The following GRIN2A variants were observed in gnomAD, a reference collection of about 807,000 sequenced individuals.
GRIN2A encodes the protein glutamate receptor ionotropic, NMDA 2A.
A neutral mutation model predicts 113.4 loss-of-function variants in GRIN2A; 22 were observed. That is an observed-to-expected ratio of 0.19 (90% confidence interval 0.14 to 0.28). The LOEUF (loss-of-function observed/expected upper bound fraction) is 0.28, where lower values mean the gene tolerates loss of function less well. Among genes scored for constraint, GRIN2A ranks in the 10% least tolerant of loss-of-function variants. The pLI, the probability that GRIN2A is intolerant of heterozygous loss-of-function variation, is 1.00. For synonymous variants in GRIN2A, 827 were observed against 738.4 expected, an observed-to-expected ratio of 1.12 and a Z score of -1.94; for missense variants, 1,502 against 1,887.0, an observed-to-expected ratio of 0.80 and a Z score of 3.78.
Position 10,117,448 on chromosome 16 carries a change from GGA to G in GRIN2A, c.414+62548_414+62549del, listed in dbSNP as rs375860817. Among the ~76,000 whole-genome samples, 303 of 152,310 alleles carry G rather than the reference GGA, an allele frequency of 2.0e-3. 1 individual carries two copies. Among genetic ancestry groups the G allele is most frequent in the African/African-American group, 7.1e-3 (294 of 41,556 alleles). On this transcript the variant is annotated intron_variant, in intron 2 of 12. Coordinates refer to ENST00000330684, the MANE Select transcript of GRIN2A (RefSeq NM_001134407.3). ...ATGCTGAAGCTGGATGGTGAGTATA[GGA>G]GAGTTATCTCTGCTTATGATTAGAG...
intron 2 of GRIN2A, among the ~76,000 whole-genome samples, chr16:10,074,849 C>G (rs892677765): frequency 2.0e-5 from 3 of 152,190 alleles, no homozygotes; most frequent in African/African-American, 7.2e-5. Flanking sequence ...AAGCATTGGA[C>G]TGTGAACTTT....
chr16:9,762,985 T>G lies in GRIN2A; in HGVS notation c.*164A>C, dbSNP rs1900653214. Reference sequence around the variant, plus strand: ...TCACAAGATTCCTTGAGTGGAAGATTATGGCATGAAGCCGTGTGCAAAAGA... The same window carrying G: ...TCACAAGATTCCTTGAGTGGAAGATGATGGCATGAAGCCGTGTGCAAAAGA... On this transcript the variant is annotated 3_prime_UTR_variant, in exon 13 of 13. Coordinates refer to ENST00000330684, the MANE Select transcript of GRIN2A (RefSeq NM_001134407.3). 1.5e-6 allele frequency: 1 copy of G among 688,486 alleles called. No individual in the cohort carries two copies. The highest frequency in any genetic ancestry group is 1.8e-5 in the South Asian group (1 of 54,488). 42.6% of individuals were successfully genotyped at this position (688,486 alleles called of 1,614,324 possible).
At chr16:9,838,796 G>T (rs189527770) in intron 7 of GRIN2A, among the ~76,000 whole-genome samples, 1 of 152,158 alleles carries the variant, frequency 6.6e-6, no homozygotes, top group Admixed American at 6.5e-5. Flanking sequence ...CTGGGGGATG[G>T]GTTTTTCAAG....
At chr16:10,148,728 T>C (rs1486643917) in intron 2 of GRIN2A, among the ~76,000 whole-genome samples, 1 of 152,108 alleles carries the variant, frequency 6.6e-6, no homozygotes, top group Non-Finnish European at 1.5e-5. Flanking sequence ...TAGGCACATA[T>C]CCAAAAGAAA....
intron 2 of GRIN2A, among the ~76,000 whole-genome samples, chr16:10,145,513 TA>T (rs34055110): frequency 0.17 from 24,788 of 149,994 alleles, 2,555 homozygotes; most frequent in African/African-American, 0.3. Context: ...CAGCTGTTTT[TA>T]AAAAAAAAAA....
intron 2 of GRIN2A, among the ~76,000 whole-genome samples, chr16:10,031,164 G>T (rs1449524840): frequency 6.6e-6 from 1 of 152,110 alleles, no homozygotes; most frequent in Non-Finnish European, 1.5e-5. Context: ...AATAAAATAC[G>T]TAAATCCTCA....
At chr16:9,883,721 C>T (rs921380568) in intron 4 of GRIN2A, among the ~76,000 whole-genome samples, 5 of 152,120 alleles carry the variant, frequency 3.3e-5, no homozygotes, top group Non-Finnish European at 5.9e-5. Flanking sequence ...GGGTCAGCCA[C>T]GTGTGGTGCT....
chr16:9,984,343 TC>T (rs2045943065), intron 2 of GRIN2A, among the ~76,000 whole-genome samples: 1 of 152,174 alleles, frequency 6.6e-6, no homozygotes, highest in Non-Finnish European at 1.5e-5. Context: ...TCTGATTTTT[TC>T]CTTTGCTGAG....
At chr16:10,120,646 G>C (rs1373918751) in intron 2 of GRIN2A, among the ~76,000 whole-genome samples, 2 of 152,140 alleles carry the variant, frequency 1.3e-5, no homozygotes, top group Non-Finnish European at 2.9e-5. Context: ...ACCAGAAAGA[G>C]ACTCCACATT....
chr16:9,760,373 G>GTTTTTTTTTT lies in GRIN2A; in HGVS notation c.*2775_*2776insAAAAAAAAAA. On this transcript the variant is annotated 3_prime_UTR_variant, in exon 13 of 13. Coordinates refer to ENST00000330684, the MANE Select transcript of GRIN2A (RefSeq NM_001134407.3). The stretch of plus-strand genomic sequence containing the variant: ...GAAATTGACCATCTGATCAGTAGTT[G>GTTTTTTTTTT]ATTTTTTTTTTTTTTTTTTTTTTTT... 1 of 40,234 alleles carries GTTTTTTTTTT rather than the reference G, an allele frequency of 2.5e-5. No homozygotes were observed. Among genetic ancestry groups the GTTTTTTTTTT allele is most frequent in the African/African-American group, 1.3e-4 (1 of 7,902 alleles). The allele number at this position is 40,234 out of a possible 1,614,324, so 2.5% of individuals were successfully genotyped here.
chr16:10,157,172 G>A (rs983068777), intron 2 of GRIN2A, among the ~76,000 whole-genome samples: 2 of 152,178 alleles, frequency 1.3e-5, no homozygotes, highest in Non-Finnish European at 2.9e-5. Flanking sequence ...AAGGTGATAA[G>A]GACCAGGTGC....
chr16:9,764,979 C>T (rs2141138812), intron 12 of GRIN2A, 31 bp from the exon 13 acceptor site: 1 of 1,613,124 alleles, frequency 6.2e-7, no homozygotes, highest in African/African-American at 1.3e-5. Context: ...GCACTGTCAG[C>T]AGCAGCAGCA....
intron 2 of GRIN2A, among the ~76,000 whole-genome samples, chr16:10,132,563 A>T (rs1250540113): frequency 6.6e-6 from 1 of 152,152 alleles, no homozygotes; most frequent in African/African-American, 2.4e-5. Context: ...GACATTTATC[A>T]TGCAAGAGCT....
chr16:10,150,644 A>C (rs752640541), intron 2 of GRIN2A, among the ~76,000 whole-genome samples: 2 of 150,960 alleles, frequency 1.3e-5, no homozygotes, highest in South Asian at 2.1e-4. Context: ...CAGCGTCTAG[A>C]CACTTGCAGT....
chr16:10,124,519 G>A (rs912317259), intron 2 of GRIN2A, among the ~76,000 whole-genome samples: 1 of 152,138 alleles, frequency 6.6e-6, no homozygotes, highest in South Asian at 2.1e-4. Flanking sequence ...GGATTCCTTG[G>A]TGCTTGGGTA....
chr16:10,178,659 A>T (rs901116951), intron 2 of GRIN2A, among the ~76,000 whole-genome samples: 2 of 152,206 alleles, frequency 1.3e-5, no homozygotes, highest in Admixed American at 6.5e-5. Context: ...GTTTAATAAG[A>T]CACTGCATCA....
intron 3 of GRIN2A, among the ~76,000 whole-genome samples, chr16:9,895,859 T>G (rs1330173549): frequency 2.0e-5 from 3 of 152,222 alleles, no homozygotes; most frequent in African/African-American, 7.2e-5. Flanking sequence ...TAGTTCAGGT[T>G]GAGTCTACCT....
chr16:9,906,704 G>A (rs958299072), intron 3 of GRIN2A, among the ~76,000 whole-genome samples: 2 of 152,202 alleles, frequency 1.3e-5, no homozygotes, highest in Non-Finnish European at 2.9e-5. Context: ...TGAAGACACC[G>A]TTTGAGCCTG....
rs2141312538 is a variant in GRIN2A at position 9,829,525 on chromosome 16, G to A, written c.1905C>T (p.Ala635=). Residue 635 remains alanine (A), a synonymous_variant, in exon 9 of 13, where the codon GCC becomes GCT. Transcript: ENST00000330684. ...TAGCCAGGAATATGACAGCGAAGAA[G>A]GCCCATACAGATACCATGATCTTGC... is the stretch of plus-strand genomic sequence containing the variant. The part of the protein sequence containing the change: ...TTSKIMVSVW[A]FFAVIFLASY... The A allele has an allele frequency of 3.7e-6, 6 of 1,613,914 alleles. No individual in the cohort carries two copies. Among genetic ancestry groups the A allele is most frequent in the Non-Finnish European group, 5.1e-6 (6 of 1,179,836 alleles).
Sources: gnomAD v4.1 joint callset for allele counts (sites outside exome capture counted in the v4.1 genomes callset) on GRCh38, gnomAD v4.1.1 for gene constraint, MANE v1.5 for transcripts, NCBI Gene and HGNC (gene_info 2026-07-23, HGNC 2026-07-21) for gene names.